Variants in LOXL4 observed in about 807,000 individuals in gnomAD.
The protein encoded by LOXL4 is lysyl oxidase homolog 4.
LOXL4 carries 72 observed loss-of-function variants against 89.1 expected under a neutral mutation model. The ratio of observed to expected loss-of-function variants is 0.81; its 90% CI spans 0.67 to 0.98. LOXL4 has a LOEUF of 0.98. Among genes scored for constraint, LOXL4 ranks in the 50% least tolerant of loss-of-function variants. LOXL4 has a pLI of 0.00. For missense variants in LOXL4, 984 were observed against 1,017.5 expected, an observed-to-expected ratio of 0.97 and a Z score of 0.45; for synonymous variants, 355 against 392.1, an observed-to-expected ratio of 0.91 and a Z score of 1.12.
intron 1 of LOXL4, among the ~76,000 whole-genome samples, chr10:98,267,195 A>T (rs1026067017): frequency 6.6e-6 from 1 of 152,182 alleles, no homozygotes; most frequent in African/African-American, 2.4e-5. Context: ...AAAACCACCA[A>T]GAATGGATGT....
In LOXL4 at chr10:98,256,767, C is replaced by A. The variant is rs374736960; in HGVS notation, c.1428+13G>T. The A allele has an allele frequency of 2.5e-5, 41 of 1,613,830 alleles. No individual in the cohort carries two copies. In the African/African-American group the frequency reaches 5.2e-4, roughly 20 times the overall value. Reference sequence around the variant, plus strand: ...GTGAGAGGTCATACGGAAGAAACAACAGAGGGACCTACCTTGTAGGCATGG... The same window carrying A: ...GTGAGAGGTCATACGGAAGAAACAAAAGAGGGACCTACCTTGTAGGCATGG... On this transcript the variant is annotated intron_variant, in intron 9 of 14. Coordinates refer to ENST00000260702, the MANE Select transcript of LOXL4 (RefSeq NM_032211.7).
Position 98,248,691 on chromosome 10 carries a change from GAGGACATATTCCAT to G in LOXL4, c.*216_*229del, listed in dbSNP as rs1858103999. On this transcript the variant is annotated 3_prime_UTR_variant, in exon 15 of 15. Coordinates refer to ENST00000260702, the MANE Select transcript of LOXL4 (RefSeq NM_032211.7). ...GAGGAGCTCAGCTGAGCAAAGCCTG[GAGGACATATTCCAT>G]AGGCCACAGGCCCTTAGGGGCAGGC... 1 of 491,656 alleles carries G rather than the reference GAGGACATATTCCAT, an allele frequency of 2.0e-6. No homozygotes were observed. The highest frequency in any genetic ancestry group is 5.5e-4 in the Middle Eastern group (1 of 1,828). 30.5% of individuals were successfully genotyped at this position (491,656 alleles called of 1,614,324 possible).
chr10:98,256,368 G>A (rs1858364210), intron 9 of LOXL4: 7 of 228,598 alleles, frequency 3.1e-5, no homozygotes, highest in Non-Finnish European at 5.0e-5. Flanking sequence ...TTTCAAACAT[G>A]TGGATTGCAA....
intron 14 of LOXL4, 60 bp from the exon 15 acceptor site, chr10:98,249,051 C>A: frequency 1.5e-6 from 2 of 1,331,432 alleles, no homozygotes; most frequent in Non-Finnish European, 1.1e-6. Context: ...CCTTCCCTGA[C>A]AACTTACATA....
At chr10:98,250,044 C>T (rs1858144533) in intron 14 of LOXL4, among the ~76,000 whole-genome samples, 1 of 152,212 alleles carries the variant, frequency 6.6e-6, no homozygotes, top group South Asian at 2.1e-4. Context: ...GCAAAAAGCT[C>T]TAGTACTTAG....
chr10:98,259,057 G>A lies in LOXL4; in HGVS notation c.873C>T (p.His291=), dbSNP rs553043852. The change falls in exon 6 of 15, where the codon CAC becomes CAT. Residue 291 remains histidine, a synonymous_variant. Coordinates refer to ENST00000260702, the MANE Select transcript of LOXL4 (RefSeq NM_032211.7). ...HAVVSCVAGP[H]FRPPKTKPQR... is the part of the protein sequence containing the mutation. Reference sequence around the variant, plus strand: ...GTGGCTTTGTCTTCGGTGGGCGGAAGTGAGGCCCTGCCACACAGCTGACCA... The same window carrying A: ...GTGGCTTTGTCTTCGGTGGGCGGAAATGAGGCCCTGCCACACAGCTGACCA... The A allele has an allele frequency of 1.2e-4, 196 of 1,572,054 alleles. 1 individual carries two copies. In the South Asian group the frequency reaches 2.2e-3, roughly 17 times the overall value.
chr10:98,257,877 GA>G, intron 7 of LOXL4, 73 bp from the exon 8 acceptor site: 11 of 1,578,810 alleles, frequency 7.0e-6, no homozygotes, highest in Non-Finnish European at 5.2e-6. Flanking sequence ...CCCCTTCACA[GA>G]GGGGGATAAC....
At chr10:98,256,677 A>G in intron 9 of LOXL4, 103 bp downstream of exon 9, 1 of 1,359,166 alleles carries the variant, frequency 7.4e-7, no homozygotes, top group South Asian at 1.2e-5. Context: ...CTCAGTAATG[A>G]ATTGCCAAAT....
chr10:98,264,332 C>T (rs760499477), intron 1 of LOXL4, among the ~76,000 whole-genome samples: 2 of 144,822 alleles, frequency 1.4e-5, no homozygotes, highest in African/African-American at 2.6e-5. Flanking sequence ...AAGGGGCATT[C>T]GAGATACAGA....
intron 12 of LOXL4, chr10:98,252,048 C>G (rs1858207216): frequency 6.3e-6 from 3 of 479,292 alleles, no homozygotes; most frequent in Non-Finnish European, 1.1e-5. Context: ...GGTGTGCAGA[C>G]AGGAAGCAGG....
chr10:98,248,864 C>T lies in LOXL4; in HGVS notation c.*57G>A. The T allele has an allele frequency of 6.7e-7, 1 of 1,494,756 alleles. No individual in the cohort carries two copies. Among genetic ancestry groups the T allele is most frequent in the South Asian group, 1.2e-5 (1 of 84,916 alleles). The allele number at this position is 1,494,756 out of a possible 1,614,324, so 92.6% of individuals were successfully genotyped here. A position where few individuals can be genotyped will look rare whatever the true frequency, so the allele number is the denominator to read the frequency against. On this transcript the variant is annotated 3_prime_UTR_variant, in exon 15 of 15. Transcript: ENST00000260702. ...TTGGGACTCTGTGAAGGGCATGGCT[C>T]CAATAAGCTGAGGTATCTGGTGTAT...
chr10:98,267,674 T>G (rs1430160718), intron 1 of LOXL4, among the ~76,000 whole-genome samples: 1 of 152,120 alleles, frequency 6.6e-6, no homozygotes, highest in Non-Finnish European at 1.5e-5. Context: ...TTCTGCCCCC[T>G]TCCCTTCGGT....
At position 98,262,029 on chromosome 10, in the gene LOXL4, C is replaced by G. The variant is rs1858556045; in HGVS notation, c.456+6G>C. On this transcript the variant is annotated splice_donor_region_variant and intron_variant, in intron 3 of 14. Transcript: ENST00000260702. Reference sequence around the variant, plus strand: ...GCTCAGACCAGAGCCTGAACAGCCTCCTCACCTGGGGCCCAAGGGCATTGG... The same window carrying G: ...GCTCAGACCAGAGCCTGAACAGCCTGCTCACCTGGGGCCCAAGGGCATTGG... 3.7e-6 allele frequency: 6 copies of G among 1,601,158 alleles called. No homozygotes were observed. The highest frequency in any genetic ancestry group is 1.3e-5 in the African/African-American group (1 of 74,294).
At chr10:98,265,409 ATTATTATTT>A (rs935149000) in intron 1 of LOXL4, among the ~76,000 whole-genome samples, 6 of 60,836 alleles carry the variant, frequency 9.9e-5, no homozygotes, top group African/African-American at 3.2e-4. Context: ...TATTATTATT[ATTATTATTT>A]TTGAGACAGA....
At chr10:98,252,312 C>G in intron 12 of LOXL4, 41 bp downstream of exon 12, 1 of 1,454,628 alleles carries the variant, frequency 6.9e-7, no homozygotes, top group South Asian at 1.2e-5. Flanking sequence ...AAGAACATAA[C>G]AAAAGGAGAT....
At chr10:98,250,702 G>A (rs915364432) in intron 14 of LOXL4, among the ~76,000 whole-genome samples, 2 of 152,172 alleles carry the variant, frequency 1.3e-5, no homozygotes, top group Non-Finnish European at 2.9e-5. Context: ...TTGCCTGTGA[G>A]GACCCTAACC....
rs556066073 is a variant in LOXL4, at chr10:98,254,242, C to T, written c.1592-446G>A. Among the ~76,000 whole-genome samples, 153 of 152,308 alleles carry T rather than the reference C, an allele frequency of 1.0e-3. 1 individual carries two copies. Among genetic ancestry groups the T allele is most frequent in the Non-Finnish European group, 1.7e-3 (119 of 68,034 alleles). On this transcript the variant is annotated intron_variant, in intron 10 of 14. Transcript: ENST00000260702. ...AAAATGCTTTTAAGCCTGTAAAGTGCCTTTATGTAGCTTAGTTCATATAAT... is the reference window on the plus strand; with the variant it reads ...AAAATGCTTTTAAGCCTGTAAAGTGTCTTTATGTAGCTTAGTTCATATAAT...
intron 1 of LOXL4, among the ~76,000 whole-genome samples, chr10:98,267,241 C>T (rs1305219765): frequency 1.3e-5 from 2 of 151,986 alleles, no homozygotes; most frequent in African/African-American, 2.4e-5. Flanking sequence ...GGCCGGGAGC[C>T]GACTGAAATT....
At position 98,260,305 on chromosome 10, in the gene LOXL4, G is replaced by A. The variant is rs538988740; in HGVS notation, c.662+617C>T. Among the ~76,000 whole-genome samples the A allele has an allele frequency of 1.2e-4, 19 of 152,310 alleles. No individual in the cohort carries two copies. The South Asian group carries it at 3.7e-3, about 30-fold the overall frequency. ...GGATATTCGCAGTGGAATTGAGGATGGAGGCTCAGAGGCCCTCCCCAAAGC... is the reference window on the plus strand; with the variant it reads ...GGATATTCGCAGTGGAATTGAGGATAGAGGCTCAGAGGCCCTCCCCAAAGC... On this transcript the variant is annotated intron_variant, in intron 4 of 14. Coordinates refer to ENST00000260702, the MANE Select transcript of LOXL4 (RefSeq NM_032211.7).
Sources: allele counts gnomAD v4.1 joint callset (sites outside exome capture counted in the v4.1 genomes callset), GRCh38; gene constraint gnomAD v4.1.1; transcripts MANE v1.5; gene names NCBI Gene and HGNC (gene_info 2026-07-23, HGNC 2026-07-21).